Variants in OTUD7A observed in about 807,000 individuals in gnomAD.
OTUD7A encodes the protein OTU deubiquitinase 7A.
In OTUD7A, 12 loss-of-function variants were observed where a neutral mutation model predicts 65.7. The ratio of observed to expected loss-of-function variants is 0.18; its 90% CI spans 0.12 to 0.30. The LOEUF (loss-of-function observed/expected upper bound fraction) is 0.30, where lower values mean the gene tolerates loss of function less well. Among genes scored for constraint, OTUD7A ranks in the 10% least tolerant of loss-of-function variants. The pLI, the probability that OTUD7A is intolerant of heterozygous loss-of-function variation, is 1.00. For missense variants in OTUD7A, 1,148 were observed against 1,304.8 expected, an observed-to-expected ratio of 0.88 and a Z score of 1.85; for synonymous variants, 641 against 586.3, an observed-to-expected ratio of 1.09 and a Z score of -1.35.
At chr15:31,762,120 T>C (rs1254269885) in intron 1 of OTUD7A, among the ~76,000 whole-genome samples, 2 of 152,212 alleles carry the variant, frequency 1.3e-5, no homozygotes, top group Non-Finnish European at 2.9e-5. Context: ...AACTGTACTT[T>C]TAGTGGGTGA....
At chr15:31,583,972 G>A (rs1889451079) in intron 3 of OTUD7A, among the ~76,000 whole-genome samples, 1 of 152,152 alleles carries the variant, frequency 6.6e-6, no homozygotes, top group East Asian at 1.9e-4. Flanking sequence ...ATTTCATACT[G>A]GAAATGGTTC....
At chr15:31,844,272 T>C (rs962654790) in intron 1 of OTUD7A, among the ~76,000 whole-genome samples, 1 of 152,184 alleles carries the variant, frequency 6.6e-6, no homozygotes, top group African/African-American at 2.4e-5. Flanking sequence ...TTTGGGAGGC[T>C]GAGGCAGGTG....
At chr15:31,790,139 C>A (rs992185289) in intron 1 of OTUD7A, among the ~76,000 whole-genome samples, 1 of 152,240 alleles carries the variant, frequency 6.6e-6, no homozygotes, top group Non-Finnish European at 1.5e-5. Context: ...GTACATCACA[C>A]TTCCTAGATG....
At chr15:31,661,949 A>T (rs1231843255) in intron 1 of OTUD7A, among the ~76,000 whole-genome samples, 1 of 151,944 alleles carries the variant, frequency 6.6e-6, no homozygotes, top group Non-Finnish European at 1.5e-5. Flanking sequence ...GTTTTCTATC[A>T]TCTGGCTTTT....
intron 1 of OTUD7A, among the ~76,000 whole-genome samples, chr15:31,779,916 ACT>A (rs1444528100): frequency 6.6e-6 from 1 of 151,946 alleles, no homozygotes; most frequent in African/African-American, 2.4e-5. Flanking sequence ...GCAATCACAC[ACT>A]CTGACTGCTT....
intron 8 of OTUD7A, among the ~76,000 whole-genome samples, chr15:31,519,407 C>G (rs562855267): frequency 4.6e-5 from 7 of 152,182 alleles, no homozygotes; most frequent in African/African-American, 1.7e-4. Flanking sequence ...ATTTGATTTG[C>G]TAGTATTTTG....
intron 3 of OTUD7A, among the ~76,000 whole-genome samples, chr15:31,573,063 C>T (rs11854631): frequency 0.33 from 49,623 of 151,952 alleles, 10,549 homozygotes; most frequent in African/African-American, 0.61. Context: ...TCTAGTATAG[C>T]CAATACCAAC....
chr15:31,696,621 C>G (rs1005246900), intron 1 of OTUD7A, among the ~76,000 whole-genome samples: 1 of 146,206 alleles, frequency 6.8e-6, no homozygotes, highest in Non-Finnish European at 1.5e-5. Context: ...CCTCAAAGGG[C>G]CTGTGTCCCA....
chr15:31,672,938 A>G (rs1892516415), intron 1 of OTUD7A, among the ~76,000 whole-genome samples: 1 of 152,224 alleles, frequency 6.6e-6, no homozygotes, highest in Non-Finnish European at 1.5e-5. Flanking sequence ...TCAATGGCAT[A>G]TAGAATTCTT....
chr15:31,777,768 G>A (rs55917926), intron 1 of OTUD7A, among the ~76,000 whole-genome samples: 2 of 152,216 alleles, frequency 1.3e-5, no homozygotes, highest in African/African-American at 4.8e-5. Flanking sequence ...AGGGGGCTGA[G>A]TGAGGGAGTT....
chr15:31,834,391 G>GGTTTT (rs767243197), intron 1 of OTUD7A, among the ~76,000 whole-genome samples: 12 of 152,168 alleles, frequency 7.9e-5, no homozygotes, highest in South Asian at 2.1e-4. Flanking sequence ...GCTGGTATAT[G>GGTTTT]GTTTTGTTTT....
intron 1 of OTUD7A, among the ~76,000 whole-genome samples, chr15:31,693,706 C>T (rs1048224106): frequency 3.9e-5 from 6 of 152,094 alleles, no homozygotes; most frequent in African/African-American, 1.4e-4. Flanking sequence ...CAAGTGAAAG[C>T]CCAAAGAGGC....
chr15:31,708,328 C>T (rs567734729), intron 1 of OTUD7A, among the ~76,000 whole-genome samples: 2,104 of 151,932 alleles, frequency 0.014, 40 homozygotes, highest in African/African-American at 0.049. Context: ...AGTTAAATTG[C>T]ACATGCCCTT....
intron 8 of OTUD7A, among the ~76,000 whole-genome samples, chr15:31,506,608 C>T (rs1203351753): frequency 1.3e-5 from 2 of 152,082 alleles, no homozygotes; most frequent in Admixed American, 6.5e-5. Flanking sequence ...TTTGGCACAG[C>T]GTTTAGTAAA....
At chr15:31,545,809 T>C (rs982972047) in intron 5 of OTUD7A, among the ~76,000 whole-genome samples, 2 of 152,212 alleles carry the variant, frequency 1.3e-5, no homozygotes, top group African/African-American at 4.8e-5. Flanking sequence ...GAAAACTATT[T>C]GGACAACTGT....
chr15:31,853,104 A>C (rs1897473122), intron 1 of OTUD7A, among the ~76,000 whole-genome samples: 1 of 152,222 alleles, frequency 6.6e-6, no homozygotes, highest in African/African-American at 2.4e-5. Context: ...TGTCTAATCT[A>C]ATAAAAGAGC....
At chr15:31,861,855 T>G (rs1441632812) in intron 1 of OTUD7A, among the ~76,000 whole-genome samples, 1 of 152,190 alleles carries the variant, frequency 6.6e-6, no homozygotes. Flanking sequence ...AGGACCCACA[T>G]CCTTCCTTGG....
At chr15:31,695,215 A>G (rs976485058) in intron 1 of OTUD7A, among the ~76,000 whole-genome samples, 10 of 109,032 alleles carry the variant, frequency 9.2e-5, no homozygotes, top group African/African-American at 2.6e-4. Flanking sequence ...GCTATTGTGG[A>G]TAGAGTGCTG....
At chr15:31,756,551 C>A (rs1300898021) in intron 1 of OTUD7A, among the ~76,000 whole-genome samples, 2 of 151,490 alleles carry the variant, frequency 1.3e-5, no homozygotes, top group African/African-American at 2.4e-5. Context: ...GCCAGGGTGA[C>A]AGAGACAGGG....
Sources: gnomAD v4.1 joint callset for allele counts (sites outside exome capture counted in the v4.1 genomes callset) on GRCh38, gnomAD v4.1.1 for gene constraint, MANE v1.5 for transcripts, NCBI Gene and HGNC (gene_info 2026-07-23, HGNC 2026-07-21) for gene names.